NHSL2: variants seen among roughly 807,000 people sequenced by gnomAD.
NHSL2 encodes NHS like 2, also known as NHS-like protein 2.
In NHSL2, 27 loss-of-function variants were observed where a neutral mutation model predicts 53.4. The observed-to-expected ratio is 0.51, with a 90% confidence interval of 0.37 to 0.70. The LOEUF (loss-of-function observed/expected upper bound fraction) is 0.70. Among genes scored for constraint, NHSL2 ranks in the 30% least tolerant of loss-of-function variants. NHSL2 has a pLI of 0.00. For synonymous variants in NHSL2, 408 were observed against 404.1 expected (o/e 1.01, Z -0.12); for missense variants, 892 against 980.1 (o/e 0.91, Z 1.20).
chrX:72,109,623 C>T (rs558318385), intron 1 of NHSL2, among the ~76,000 whole-genome samples: 2 of 111,753 alleles, frequency 1.8e-5, no homozygotes, highest in African/African-American at 6.5e-5. Flanking sequence ...GTGGCACCAC[C>T]ATGCCTGGCT....
chrX:71,942,972 C>CTCTCTCTGTGTGTG lies in NHSL2; in HGVS notation c.280+31606_280+31607insCTCTCTGTGTGTGT, dbSNP rs1220648470. Among the ~76,000 whole-genome samples the CTCTCTCTGTGTGTG allele has an allele frequency of 1.1e-4, 8 of 74,032 alleles. 1 individual carries two copies. The highest frequency in any genetic ancestry group is 2.0e-4 in the Non-Finnish European group (8 of 40,634). The allele number at this position is 74,032 out of a possible 115,157, so 64.3% of individuals were successfully genotyped here. On this transcript the variant is annotated intron_variant, in intron 1 of 7. Coordinates refer to ENST00000633930, the MANE Select transcript of NHSL2 (RefSeq NM_001013627.3). ...GCTCTCTCTCTCTCTCTCTCTCTCT[C>CTCTCTCTGTGTGTG]TGTGTGTGTGTGTGTGTGTGTGTGT... is the stretch of plus-strand genomic sequence containing the variant.
Position 72,038,109 on chromosome X carries a change from G to A in NHSL2, c.281-93970G>A, listed in dbSNP as rs765663014. On this transcript the variant is annotated intron_variant, in intron 1 of 7. Coordinates refer to ENST00000633930, the MANE Select transcript of NHSL2 (RefSeq NM_001013627.3). ...AGTCTGGGACCTAGTCACATTTCTT[G>A]TCTTTGGACAAGTCACTTTGCTTAT... Among the ~76,000 whole-genome samples the A allele has an allele frequency of 2.7e-5, 3 of 112,173 alleles. No individual in the cohort carries two copies. In the South Asian group the frequency reaches 1.1e-3, roughly 42 times the overall value.
Position 72,131,348 on chromosome X carries a change from C to T in NHSL2, c.281-731C>T, listed in dbSNP as rs766543358. 5.8e-6 allele frequency: 7 copies of T among 1,203,358 alleles called. No homozygotes were observed. Among genetic ancestry groups the T allele is most frequent in the South Asian group, 1.8e-5 (1 of 55,814 alleles). ...AGCGCGAACTCCAAGTTCTCCTCCG[C>T]AAGGACGGGCACTATGGGTACTGGC... On this transcript the variant is annotated intron_variant, in intron 1 of 7. Coordinates refer to ENST00000633930, the MANE Select transcript of NHSL2 (RefSeq NM_001013627.3).
intron 1 of NHSL2, among the ~76,000 whole-genome samples, chrX:71,952,125 C>T (rs1239051302): frequency 8.9e-6 from 1 of 112,389 alleles, no homozygotes; most frequent in Admixed American, 9.4e-5. Context: ...TCAAGCAGTT[C>T]TATGCCTTCT....
intron 1 of NHSL2, among the ~76,000 whole-genome samples, chrX:72,090,530 CT>C (rs2041887054): frequency 8.9e-6 from 1 of 111,847 alleles, no homozygotes; most frequent in Non-Finnish European, 1.9e-5. Flanking sequence ...AACCAATCCC[CT>C]ATTGATGAGG....
At chrX:72,047,013 A>C (rs186256040) in intron 1 of NHSL2, among the ~76,000 whole-genome samples, 8 of 111,896 alleles carry the variant, frequency 7.1e-5, no homozygotes, top group Non-Finnish European at 1.5e-4. Context: ...CCGGAATTAA[A>C]ACTTAGGTTT....
At chrX:71,939,299 G>A (rs960987785) in intron 1 of NHSL2, among the ~76,000 whole-genome samples, 3 of 111,987 alleles carry the variant, frequency 2.7e-5, no homozygotes, top group Non-Finnish European at 5.6e-5. Context: ...TATCCTGAGG[G>A]GAGCAGGGGA....
chrX:71,998,913 A>T (rs764691272), intron 1 of NHSL2, among the ~76,000 whole-genome samples: 1 of 112,365 alleles, frequency 8.9e-6, no homozygotes, highest in East Asian at 2.8e-4. Context: ...CTGTTTGAGC[A>T]TCTCCAGAGC....
chrX:72,046,391 T>C (rs2042306112), intron 1 of NHSL2, among the ~76,000 whole-genome samples: 1 of 112,402 alleles, frequency 8.9e-6, no homozygotes, highest in Non-Finnish European at 1.9e-5. Context: ...CAGCTTGTGC[T>C]TCCCAGTTCC....
At chrX:72,116,874 T>C (rs1442899782) in intron 1 of NHSL2, among the ~76,000 whole-genome samples, 1 of 111,882 alleles carries the variant, frequency 8.9e-6, no homozygotes, top group Non-Finnish European at 1.9e-5. Flanking sequence ...CTGAGAAACT[T>C]GGCTAGCTGT....
intron 1 of NHSL2, among the ~76,000 whole-genome samples, chrX:72,008,663 G>T (rs1310065263): frequency 8.9e-6 from 1 of 112,429 alleles, no homozygotes; most frequent in Non-Finnish European, 1.9e-5. Flanking sequence ...CTGCATAACA[G>T]AACTTTCAGT....
At chrX:72,092,570 A>G (rs1462316906) in intron 1 of NHSL2, among the ~76,000 whole-genome samples, 2 of 111,817 alleles carry the variant, frequency 1.8e-5, no homozygotes, top group Admixed American at 1.9e-4. Context: ...CCTAAAGAAC[A>G]GTGCCCGGCA....
At chrX:72,018,592 C>G (rs2042145303) in intron 1 of NHSL2, among the ~76,000 whole-genome samples, 2 of 112,726 alleles carry the variant, frequency 1.8e-5, no homozygotes, top group Non-Finnish European at 3.8e-5. Context: ...AGTCACCAGG[C>G]GCGTGCGGAG....
chrX:72,143,664 C>T lies in NHSL2; in HGVS notation c.*90C>T. 1 of 564,390 alleles carries T rather than the reference C, an allele frequency of 1.8e-6. No homozygotes were observed. Among genetic ancestry groups the T allele is most frequent in the Non-Finnish European group, 2.8e-6 (1 of 357,037 alleles). The allele number at this position is 564,390 out of a possible 1,213,427, so 46.5% of individuals were successfully genotyped here. Reference sequence around the variant, plus strand: ...TCTTTAAACAGAACCATGGGAACAACAGAGCCTACATTTCTTTTATATTAA... The same window carrying T: ...TCTTTAAACAGAACCATGGGAACAATAGAGCCTACATTTCTTTTATATTAA... On this transcript the variant is annotated 3_prime_UTR_variant, in exon 8 of 8. Transcript: ENST00000633930.
chrX:71,923,582 C>A (rs977034706), intron 1 of NHSL2, among the ~76,000 whole-genome samples: 2 of 112,066 alleles, frequency 1.8e-5, no homozygotes, highest in Admixed American at 1.9e-4. Context: ...ATACCCTGTT[C>A]TTGGATAATT....
chrX:72,020,873 T>C (rs2042156738), intron 1 of NHSL2, among the ~76,000 whole-genome samples: 1 of 112,863 alleles, frequency 8.9e-6, no homozygotes, highest in South Asian at 3.6e-4. Flanking sequence ...TCAGAAGGTC[T>C]GGAGAAGAAC....
At chrX:71,955,795 C>CA (rs1556309871) in intron 1 of NHSL2, among the ~76,000 whole-genome samples, 6 of 100,120 alleles carry the variant, frequency 6.0e-5, no homozygotes, top group Non-Finnish European at 1.2e-4. Flanking sequence ...CTTAAATTGA[C>CA]TTTTTTTTTT....
chrX:72,002,892 C>A (rs1431630137), intron 1 of NHSL2, among the ~76,000 whole-genome samples: 1 of 111,089 alleles, frequency 9.0e-6, no homozygotes, highest in African/African-American at 3.3e-5. Context: ...AGGTAGCCCA[C>A]TGATAAGATG....
chrX:72,122,185 C>T (rs1252737315), intron 1 of NHSL2, among the ~76,000 whole-genome samples: 2 of 112,019 alleles, frequency 1.8e-5, no homozygotes, highest in African/African-American at 3.3e-5. Flanking sequence ...CTACCAAAAG[C>T]GTCCATTACC....
Sources: allele counts gnomAD v4.1 joint callset (sites outside exome capture counted in the v4.1 genomes callset), GRCh38; gene constraint gnomAD v4.1.1; transcripts MANE v1.5; gene names NCBI Gene and HGNC (gene_info 2026-07-23, HGNC 2026-07-21).